NPLOC4: variants seen among roughly 807,000 people sequenced by gnomAD.
The protein encoded by NPLOC4 is NPL4 homolog, ubiquitin recognition factor.
Under a neutral mutation model 80.6 loss-of-function variants are expected in NPLOC4, and 18 were observed. That is an observed-to-expected ratio of 0.22 (90% CI 0.15 to 0.33). The LOEUF (loss-of-function observed/expected upper bound fraction) is 0.33. NPLOC4 is among the 10% of genes least tolerant of loss of function. The pLI is 1.00. For missense variants in NPLOC4, 540 were observed against 786.1 expected (o/e 0.69, Z 3.74); for synonymous variants, 313 against 301.5 (o/e 1.04, Z -0.39).
intron 8 of NPLOC4, among the ~76,000 whole-genome samples, chr17:81,601,632 G>T (rs1277533150): frequency 6.6e-6 from 1 of 152,182 alleles, no homozygotes; most frequent in African/African-American, 2.4e-5. Context: ...TGAATACTGT[G>T]TGCTTCGAAA....
chr17:81,619,907 A>G (rs2035620644), intron 3 of NPLOC4, among the ~76,000 whole-genome samples: 1 of 150,970 alleles, frequency 6.6e-6, no homozygotes, highest in South Asian at 2.1e-4. Context: ...GGGGTACAGC[A>G]CCCCATGGTC....
chr17:81,600,522 G>C, intron 8 of NPLOC4, 95 bp from the exon 9 acceptor site: 2 of 875,870 alleles, frequency 2.3e-6, no homozygotes, highest in Admixed American at 2.1e-5. Flanking sequence ...GTCACAAGGA[G>C]TGCTGGGGGC....
At chr17:81,597,910 T>C (rs9913794) in intron 9 of NPLOC4, among the ~76,000 whole-genome samples, 36,120 of 149,816 alleles carry the variant, frequency 0.24, 4,664 homozygotes, top group Middle Eastern at 0.31. Flanking sequence ...CTGGCTAACA[T>C]GGTGAAATCC....
intron 3 of NPLOC4, among the ~76,000 whole-genome samples, chr17:81,619,052 G>A (rs1051827758): frequency 6.6e-6 from 1 of 151,998 alleles, no homozygotes; most frequent in Non-Finnish European, 1.5e-5. Flanking sequence ...AAGTACCCAG[G>A]GACACAAACA....
Position 81,558,890 on chromosome 17 carries a change from A to C in NPLOC4, c.*369T>G. On this transcript the variant is annotated 3_prime_UTR_variant, in exon 17 of 17. Transcript: ENST00000331134. ...AGGGAGGCCAAACAAAAAGCACTGAAAATAAAGAGAAGGCTGGGTGGTGGC... is the reference window on the plus strand; with the variant it reads ...AGGGAGGCCAAACAAAAAGCACTGACAATAAAGAGAAGGCTGGGTGGTGGC... The C allele has an allele frequency of 5.9e-6, 1 of 170,356 alleles. No homozygotes were observed. The highest frequency in any genetic ancestry group is 1.2e-5 in the Non-Finnish European group (1 of 80,392). 10.6% of individuals were successfully genotyped at this position (170,356 alleles called of 1,614,324 possible). A position where few individuals can be genotyped will look rare whatever the true frequency, so the allele number is the denominator to read the frequency against.
chr17:81,567,404 C>T lies in NPLOC4; in HGVS notation c.1566+13G>A. ...CCCACTTGCTCAAGTGGACACCACACTTGGACACGCACCTGCAGAGGCATA... is the reference window on the plus strand; with the variant it reads ...CCCACTTGCTCAAGTGGACACCACATTTGGACACGCACCTGCAGAGGCATA... On this transcript the variant is annotated intron_variant, in intron 15 of 16. Coordinates refer to ENST00000331134, the MANE Select transcript of NPLOC4 (RefSeq NM_017921.4). The surrounding 1 kb of genome is among the most constrained non-coding windows in gnomAD (Gnocchi z 4.5). 1 of 1,553,982 alleles carries T rather than the reference C, an allele frequency of 6.4e-7. No individual in the cohort carries two copies. The highest frequency in any genetic ancestry group is 8.9e-7 in the Non-Finnish European group (1 of 1,127,124).
chr17:81,611,262 A>G (rs979533333), intron 4 of NPLOC4, among the ~76,000 whole-genome samples: 6 of 152,062 alleles, frequency 3.9e-5, no homozygotes, highest in African/African-American at 4.8e-5. Flanking sequence ...AAAGGTTGCG[A>G]TGAGCTGAGA....
At chr17:81,598,832 G>A (rs1598651007) in intron 9 of NPLOC4, among the ~76,000 whole-genome samples, 2 of 152,146 alleles carry the variant, frequency 1.3e-5, no homozygotes, top group South Asian at 2.1e-4. Flanking sequence ...TCCACCCCCA[G>A]CAGACATGAC....
chr17:81,604,905 G>A (rs1451749810), intron 7 of NPLOC4, among the ~76,000 whole-genome samples, 178 bp from the exon 8 acceptor site: 1 of 152,270 alleles, frequency 6.6e-6, no homozygotes, highest in East Asian at 1.9e-4. Context: ...CTAGAGGATC[G>A]CTTAAGCCCA....
chr17:81,580,373 T>C lies in NPLOC4; in HGVS notation c.1282-8285A>G, dbSNP rs1257360130. On this transcript the variant is annotated intron_variant, in intron 12 of 16. Transcript: ENST00000331134. This position sits in a 1 kb window ranked among gnomAD's most constrained non-coding sequence, Gnocchi z 4.4. ...CTACTGCACAGCCATCTCTACTCTC[T>C]ACCCTAGTCTCCTTTTCCAGCTCCG... Among the ~76,000 whole-genome samples, 6 of 152,114 alleles carry C rather than the reference T, an allele frequency of 3.9e-5. No individual in the cohort carries two copies. The highest frequency in any genetic ancestry group is 7.4e-5 in the Non-Finnish European group (5 of 67,994).
chr17:81,598,892 A>G (rs915423729), intron 9 of NPLOC4, among the ~76,000 whole-genome samples: 8 of 152,232 alleles, frequency 5.3e-5, no homozygotes, highest in Non-Finnish European at 1.0e-4. Flanking sequence ...CAATGAATGA[A>G]AAACCCAAGG....
intron 15 of NPLOC4, among the ~76,000 whole-genome samples, chr17:81,566,059 C>T (rs1458031935): frequency 2.0e-5 from 3 of 152,192 alleles, no homozygotes; most frequent in Admixed American, 1.3e-4. Context: ...TAAGGATGGG[C>T]GCAGTGGCTC....
chr17:81,622,043 G>C, intron 3 of NPLOC4, 123 bp downstream of exon 3: 2 of 699,650 alleles, frequency 2.9e-6, no homozygotes, highest in Non-Finnish European at 5.1e-6. Flanking sequence ...GTGTATTCTG[G>C]TCAGTTGATA....
At chr17:81,588,568 G>T (rs142090895) in intron 12 of NPLOC4, among the ~76,000 whole-genome samples, 22 of 152,276 alleles carry the variant, frequency 1.4e-4, no homozygotes, top group African/African-American at 5.1e-4. Context: ...GGCTGGTCTT[G>T]AAGTTCTGGA....
At chr17:81,595,469 T>G (rs2034879610) in intron 11 of NPLOC4, among the ~76,000 whole-genome samples, 1 of 145,330 alleles carries the variant, frequency 6.9e-6, no homozygotes, top group South Asian at 2.1e-4. Flanking sequence ...TTTTTTGAGA[T>G]GGAGTTTCAC....
At chr17:81,609,906 G>C (rs769139095) in intron 5 of NPLOC4, among the ~76,000 whole-genome samples, 8 of 152,208 alleles carry the variant, frequency 5.3e-5, no homozygotes, top group Non-Finnish European at 1.0e-4. Flanking sequence ...AGGCCGACAG[G>C]CTCAGCTTTG....
In NPLOC4 at chr17:81,623,194, G is replaced by A. The variant is rs557343975; in HGVS notation, c.97-916C>T. ...GGGCAACAAGAGCAAAACTCTGGCC[G>A]GGTGTGGAGGCTCACACCTGTAATC... On this transcript the variant is annotated intron_variant, in intron 2 of 16. Transcript: ENST00000331134. 9.2e-5 allele frequency among the ~76,000 whole-genome samples: 14 copies of A among 151,882 alleles called. No individual in the cohort carries two copies. In the South Asian group the frequency reaches 1.5e-3, roughly 16 times the overall value.
chr17:81,620,117 A>C (rs940276571), intron 3 of NPLOC4, among the ~76,000 whole-genome samples: 1 of 152,178 alleles, frequency 6.6e-6, no homozygotes, highest in African/African-American at 2.4e-5. Flanking sequence ...TGGAAGGGGA[A>C]CCTGAAGATT....
At chr17:81,604,756 A>T in intron 7 of NPLOC4, 29 bp from the exon 8 acceptor site, 1 of 1,558,734 alleles carries the variant, frequency 6.4e-7, no homozygotes, top group Non-Finnish European at 8.7e-7. Flanking sequence ...TGGGCTGATG[A>T]AAACATGCCA....
Sources: gnomAD v4.1 joint callset for allele counts (sites outside exome capture counted in the v4.1 genomes callset) on GRCh38, gnomAD v4.1.1 for gene constraint, Gnocchi (gnomAD v3.1) non-coding constraint, MANE v1.5 for transcripts, NCBI Gene and HGNC (gene_info 2026-07-23, HGNC 2026-07-21) for gene names.